The following INPP4B variants were observed in gnomAD, a reference collection of about 807,000 sequenced individuals.
The protein encoded by INPP4B is inositol polyphosphate-4-phosphatase type II B.
Under a neutral mutation model 122.5 loss-of-function variants are expected in INPP4B, and 55 were observed. The ratio of observed to expected loss-of-function variants is 0.45; its 90% confidence interval spans 0.36 to 0.56. The LOEUF (loss-of-function observed/expected upper bound fraction) is 0.56, where lower values mean the gene tolerates loss of function less well. Ranked by LOEUF, INPP4B falls within the 20% of genes least tolerant of loss-of-function variation. The probability of loss-of-function intolerance (pLI) is 0.00; values close to 1 mark genes in which losing one functional copy is unlikely to be tolerated. For missense variants in INPP4B, 1,000 were observed against 1,097.7 expected (o/e 0.91, Z 1.26); for synonymous variants, 403 against 388.7 (o/e 1.04, Z -0.43).
chr4:142,272,998 C>A (rs1228687283), intron 9 of INPP4B, among the ~76,000 whole-genome samples: 2 of 151,898 alleles, frequency 1.3e-5, no homozygotes, highest in Non-Finnish European at 2.9e-5. Flanking sequence ...TGATTTGCAA[C>A]AGAAGAGCTG....
intron 18 of INPP4B, among the ~76,000 whole-genome samples, chr4:142,137,203 C>T (rs1391611167): frequency 6.6e-6 from 1 of 151,800 alleles, no homozygotes; most frequent in African/African-American, 2.4e-5. Context: ...ATCAATGGAA[C>T]AGAACAGAGC....
chr4:142,305,616 A>C, intron 8 of INPP4B, 79 bp from the exon 9 acceptor site: 1 of 1,478,118 alleles, frequency 6.8e-7, no homozygotes, highest in South Asian at 1.2e-5. Flanking sequence ...AAACAAAATG[A>C]GTCTTTAGAA....
chr4:142,472,039 C>T (rs1818935966), intron 2 of INPP4B, among the ~76,000 whole-genome samples: 1 of 152,076 alleles, frequency 6.6e-6, no homozygotes, highest in Admixed American at 6.5e-5. Flanking sequence ...GTTCACCCTG[C>T]TTAATGTTTT....
intron 23 of INPP4B, among the ~76,000 whole-genome samples, chr4:142,093,442 C>A (rs1422425465): frequency 6.6e-6 from 1 of 152,052 alleles, no homozygotes; most frequent in Non-Finnish European, 1.5e-5. Context: ...CAATAAGCAA[C>A]CAGAACAGAA....
In INPP4B at chr4:142,737,111, C is replaced by T. The variant is rs1321913516; in HGVS notation, c.-253-11210G>A. On this transcript the variant is annotated intron_variant, in intron 1 of 25. Coordinates refer to ENST00000262992, the MANE Select transcript of INPP4B (RefSeq NM_001101669.3). ...TTCTTCACAGAATTGGAAAAAACTA[C>T]TTTAAAGTTCATATGGAACCAAAAA... is the stretch of plus-strand genomic sequence containing the variant. Among the ~76,000 whole-genome samples the T allele has an allele frequency of 5.3e-5, 8 of 152,270 alleles. No homozygotes were observed. The East Asian group carries it at 1.5e-3, about 29-fold the overall frequency.
intron 2 of INPP4B, among the ~76,000 whole-genome samples, chr4:142,487,389 C>T (rs72946853): frequency 0.049 from 7,474 of 152,174 alleles, 205 homozygotes; most frequent in Middle Eastern, 0.078. Flanking sequence ...GTAGAGAATA[C>T]AAATTCCCTA....
At chr4:142,186,735 TAAA>T (rs1231267632) in intron 15 of INPP4B, among the ~76,000 whole-genome samples, 1 of 152,076 alleles carries the variant, frequency 6.6e-6, no homozygotes, top group Non-Finnish European at 1.5e-5. Context: ...ACAATGAAAA[TAAA>T]AAAGGAGGAA....
In INPP4B at chr4:142,737,237, C is replaced by G. The variant is rs1004495521; in HGVS notation, c.-253-11336G>C. Among the ~76,000 whole-genome samples, 551 of 152,252 alleles carry G rather than the reference C, an allele frequency of 3.6e-3. 2 individuals carry two copies. The highest frequency in any genetic ancestry group is 0.014 in the Middle Eastern group (4 of 294). ...TACTACAAGGCTACAGTAACCAAAA[C>G]AGCATGGTACTGGTACCAAAACAGA... On this transcript the variant is annotated intron_variant, in intron 1 of 25. Coordinates refer to ENST00000262992, the MANE Select transcript of INPP4B (RefSeq NM_001101669.3).
chr4:142,447,592 G>A (rs183631214), intron 3 of INPP4B, among the ~76,000 whole-genome samples: 168 of 152,296 alleles, frequency 1.1e-3, no homozygotes, highest in African/African-American at 3.9e-3. Flanking sequence ...TGTTAGATGA[G>A]TAACTTGCAT....
intron 5 of INPP4B, among the ~76,000 whole-genome samples, chr4:142,412,611 A>G (rs1240840214): frequency 2.0e-5 from 3 of 152,214 alleles, no homozygotes; most frequent in African/African-American, 7.2e-5. Flanking sequence ...GTTATTTCTT[A>G]GAAGAATATG....
chr4:142,173,060 G>A (rs1497134), intron 16 of INPP4B, among the ~76,000 whole-genome samples: 3,502 of 151,934 alleles, frequency 0.023, 68 homozygotes, highest in Non-Finnish European at 0.036. Flanking sequence ...GCAGATAAAG[G>A]AACAAGTCAC....
intron 2 of INPP4B, among the ~76,000 whole-genome samples, chr4:142,699,802 A>C (rs1239639368): frequency 6.6e-6 from 1 of 152,172 alleles, no homozygotes; most frequent in Non-Finnish European, 1.5e-5. Context: ...CCTCATCTGC[A>C]CTTGTATATC....
At chr4:142,803,672 G>C (rs1163563066) in intron 1 of INPP4B, among the ~76,000 whole-genome samples, 6 of 139,076 alleles carry the variant, frequency 4.3e-5, no homozygotes, top group Non-Finnish European at 4.8e-5. Flanking sequence ...CAAAAACAAA[G>C]AAAAGAAACC....
At chr4:142,193,273 T>C in intron 14 of INPP4B, 78 bp from the exon 15 acceptor site, 1 of 760,882 alleles carries the variant, frequency 1.3e-6, no homozygotes, top group South Asian at 1.8e-5. Flanking sequence ...GAAGCATACC[T>C]ATTGTAGGAA....
At chr4:142,688,742 G>A (rs1049786769) in intron 2 of INPP4B, among the ~76,000 whole-genome samples, 3 of 152,138 alleles carry the variant, frequency 2.0e-5, no homozygotes, top group Non-Finnish European at 1.5e-5. Flanking sequence ...TAACAAATTC[G>A]CCATAAGATT....
chr4:142,302,123 T>C (rs3775688), intron 9 of INPP4B, among the ~76,000 whole-genome samples: 1 of 152,110 alleles, frequency 6.6e-6, no homozygotes, highest in Non-Finnish European at 1.5e-5. Context: ...GTCAGGGTTC[T>C]GGGATAAGAA....
At chr4:142,551,995 CAT>C (rs1397196433) in intron 2 of INPP4B, among the ~76,000 whole-genome samples, 1 of 152,122 alleles carries the variant, frequency 6.6e-6, no homozygotes, top group Non-Finnish European at 1.5e-5. Flanking sequence ...GAACTAGACG[CAT>C]ATAAATGTCA....
intron 2 of INPP4B, among the ~76,000 whole-genome samples, chr4:142,548,173 A>C (rs1171867792): frequency 6.6e-6 from 1 of 152,292 alleles, no homozygotes; most frequent in East Asian, 1.9e-4. Flanking sequence ...CTCTTTGGAA[A>C]GCTTAAATGG....
intron 2 of INPP4B, among the ~76,000 whole-genome samples, chr4:142,660,168 T>C (rs1306904830): frequency 6.6e-6 from 1 of 152,046 alleles, no homozygotes; most frequent in Non-Finnish European, 1.5e-5. Flanking sequence ...GATAATTCCT[T>C]TTCTCTAGCC....
Sources: gnomAD v4.1 joint callset for allele counts (sites outside exome capture counted in the v4.1 genomes callset) on GRCh38, gnomAD v4.1.1 for gene constraint, MANE v1.5 for transcripts, NCBI Gene and HGNC (gene_info 2026-07-23, HGNC 2026-07-21) for gene names.